Variants in SORL1 observed in about 807,000 individuals in gnomAD.
The protein encoded by SORL1 is sortilin-related receptor.
In SORL1, 127 loss-of-function variants were observed where a neutral mutation model predicts 273.7. The ratio of observed to expected loss-of-function variants is 0.46; its 90% CI spans 0.40 to 0.54. The LOEUF (loss-of-function observed/expected upper bound fraction) is 0.54. SORL1 is among the 20% of genes least tolerant of loss of function. SORL1 has a pLI of 0.00. For synonymous variants in SORL1, 1,031 were observed against 1,067.4 expected, an observed-to-expected ratio of 0.97 and a Z score of 0.66; for missense variants, 2,494 against 2,846.1, an observed-to-expected ratio of 0.88 and a Z score of 2.81.
intron 1 of SORL1, among the ~76,000 whole-genome samples, chr11:121,464,993 G>C (rs1861061520): frequency 6.6e-6 from 1 of 152,186 alleles, no homozygotes; most frequent in Admixed American, 6.5e-5. Flanking sequence ...GTTCTCTGCA[G>C]GTCCTAGAGG....
chr11:121,510,127 A>T (rs1221028388), intron 6 of SORL1, among the ~76,000 whole-genome samples: 1 of 152,256 alleles, frequency 6.6e-6, no homozygotes, highest in African/African-American at 2.4e-5. Context: ...AAGTGGAAAG[A>T]TGTCTAAGAT....
chr11:121,605,804 C>T (rs1341516673), intron 35 of SORL1, among the ~76,000 whole-genome samples: 1 of 152,216 alleles, frequency 6.6e-6, no homozygotes, highest in African/African-American at 2.4e-5. Flanking sequence ...CCATTGCCCT[C>T]TTGCATTTTT....
chr11:121,631,599 T>C lies in SORL1; in HGVS notation c.*2036T>C, dbSNP rs1863877593. 1 of 152,212 alleles carries C rather than the reference T, an allele frequency of 6.6e-6. No homozygotes were observed. The highest frequency in any genetic ancestry group is 2.1e-4 in the South Asian group (1 of 4,832). The allele number at this position is 152,212 out of a possible 1,614,324, so 9.4% of individuals were successfully genotyped here. On this transcript the variant is annotated 3_prime_UTR_variant, in exon 48 of 48. Transcript: ENST00000260197. ...TTGTAAAAGCTGATATAAAAGGCTC[T>C]GAGATGTTATTTTCAGTTATTCCAT...
intron 11 of SORL1, 75 bp from the exon 12 acceptor site, chr11:121,532,389 C>A: frequency 7.4e-7 from 1 of 1,344,894 alleles, no homozygotes; most frequent in Non-Finnish European, 1.1e-6. Flanking sequence ...GTGTGCATGC[C>A]TGTGGGCATG....
At chr11:121,513,756 T>C (rs1417976208) in intron 7 of SORL1, among the ~76,000 whole-genome samples, 1 of 152,196 alleles carries the variant, frequency 6.6e-6, no homozygotes, top group Non-Finnish European at 1.5e-5. Context: ...AGTCCTTTGC[T>C]AGTTTCTATG....
intron 5 of SORL1, among the ~76,000 whole-genome samples, chr11:121,492,454 T>C (rs931971419): frequency 6.6e-6 from 1 of 152,174 alleles, no homozygotes; most frequent in Non-Finnish European, 1.5e-5. Context: ...ACTCCCAATC[T>C]CCTGTACTGT....
chr11:121,604,141 T>C (rs1863431518), intron 32 of SORL1, 52 bp from the exon 33 acceptor site: 2 of 1,603,526 alleles, frequency 1.2e-6, no homozygotes, highest in African/African-American at 1.3e-5. Flanking sequence ...GCCCAGCCTT[T>C]AGTACCATAC....
At chr11:121,558,157 T>TAC (rs1862618885) in intron 19 of SORL1, among the ~76,000 whole-genome samples, 1 of 152,194 alleles carries the variant, frequency 6.6e-6, no homozygotes, top group African/African-American at 2.4e-5. Context: ...CACACACATA[T>TAC]ACACACACAT....
At chr11:121,522,757 G>A in intron 10 of SORL1, 54 bp downstream of exon 10, 2 of 1,466,592 alleles carry the variant, frequency 1.4e-6, no homozygotes, top group Non-Finnish European at 1.9e-6. Flanking sequence ...TGATGTGCAG[G>A]CCAAATGCAG....
intron 20 of SORL1, 84 bp from the exon 21 acceptor site, chr11:121,559,435 C>A: frequency 7.1e-7 from 1 of 1,407,242 alleles, no homozygotes; most frequent in South Asian, 1.4e-5. Context: ...TAGTTGTCTC[C>A]TGCCTGGGGG....
intron 8 of SORL1, among the ~76,000 whole-genome samples, chr11:121,517,634 T>G (rs1488855137): frequency 1.3e-5 from 2 of 152,196 alleles, no homozygotes; most frequent in Non-Finnish European, 2.9e-5. Context: ...GGACAGAGTA[T>G]GAGCCAGAAG....
At chr11:121,515,285 C>G (rs773492806) in intron 8 of SORL1, among the ~76,000 whole-genome samples, 4 of 152,174 alleles carry the variant, frequency 2.6e-5, no homozygotes, top group Non-Finnish European at 5.9e-5. Flanking sequence ...AATATGTGAT[C>G]TGCCTGGTAA....
At chr11:121,478,444 A>G (rs1443689682) in intron 3 of SORL1, among the ~76,000 whole-genome samples, 2 of 152,232 alleles carry the variant, frequency 1.3e-5, no homozygotes, top group Non-Finnish European at 2.9e-5. Context: ...CAGGCAGGCC[A>G]AGGACTGGTC....
intron 31 of SORL1, among the ~76,000 whole-genome samples, chr11:121,593,282 CTA>C (rs1228473870): frequency 6.6e-6 from 1 of 152,234 alleles, no homozygotes; most frequent in Non-Finnish European, 1.5e-5. Context: ...CCAATGAAAA[CTA>C]TAGAATATGC....
intron 7 of SORL1, among the ~76,000 whole-genome samples, chr11:121,513,905 C>G (rs949085362): frequency 6.6e-6 from 1 of 152,216 alleles, no homozygotes; most frequent in Non-Finnish European, 1.5e-5. Flanking sequence ...GTCATTTGTG[C>G]AGTGCAGTGG....
intron 41 of SORL1, among the ~76,000 whole-genome samples, chr11:121,617,188 T>C (rs1030041354): frequency 1.4e-4 from 21 of 152,348 alleles, no homozygotes; most frequent in African/African-American, 4.8e-4. Context: ...GCAAGACTTT[T>C]AGCTAATGTC....
chr11:121,482,751 G>T (rs1395317763), intron 3 of SORL1, among the ~76,000 whole-genome samples: 2 of 152,248 alleles, frequency 1.3e-5, no homozygotes, highest in Non-Finnish European at 2.9e-5. Flanking sequence ...TGAAATGGTC[G>T]AAATGAATGT....
chr11:121,621,962 G>A (rs1350622689), intron 44 of SORL1, among the ~76,000 whole-genome samples, 200 bp from the exon 45 acceptor site: 4 of 152,194 alleles, frequency 2.6e-5, no homozygotes, highest in Non-Finnish European at 1.5e-5. Flanking sequence ...GGCTAAAGAT[G>A]TTATAACAAC....
chr11:121,509,742 T>A (rs552759675), intron 6 of SORL1, among the ~76,000 whole-genome samples: 40 of 152,354 alleles, frequency 2.6e-4, no homozygotes, highest in African/African-American at 8.7e-4. Context: ...CCCAAAGTGC[T>A]GGGATTACAG....
Sources: allele counts gnomAD v4.1 joint callset (sites outside exome capture counted in the v4.1 genomes callset), GRCh38; gene constraint gnomAD v4.1.1; transcripts MANE v1.5; gene names NCBI Gene and HGNC (gene_info 2026-07-23, HGNC 2026-07-21).